The following MMP16 variants were observed in gnomAD, a reference collection of about 807,000 sequenced individuals.
MMP16 encodes the protein matrix metallopeptidase 16.
A neutral mutation model predicts 67.8 loss-of-function variants in MMP16; 12 were observed. The ratio of observed to expected loss-of-function variants is 0.18; its 90% CI spans 0.11 to 0.29. The LOEUF (loss-of-function observed/expected upper bound fraction) is 0.29, where lower values mean the gene tolerates loss of function less well. Ranked by LOEUF, MMP16 falls within the 10% of genes least tolerant of loss-of-function variation. The pLI is 1.00. For missense variants in MMP16, 475 were observed against 765.7 expected (o/e 0.62, Z 4.48); for synonymous variants, 249 against 255.9 (o/e 0.97, Z 0.26).
At chr8:88,264,046 A>G (rs1158196069) in intron 1 of MMP16, among the ~76,000 whole-genome samples, 1 of 129,386 alleles carries the variant, frequency 7.7e-6, no homozygotes, top group Admixed American at 8.8e-5. Flanking sequence ...ATATATATAT[A>G]TATATATATA....
chr8:88,095,816 G>C (rs16878012), intron 6 of MMP16, among the ~76,000 whole-genome samples: 11,096 of 151,934 alleles, frequency 0.073, 426 homozygotes, highest in South Asian at 0.1. Context: ...TGATTACGTA[G>C]AATGAATTCA....
At chr8:88,270,034 T>C (rs1810540765) in intron 1 of MMP16, among the ~76,000 whole-genome samples, 1 of 152,218 alleles carries the variant, frequency 6.6e-6, no homozygotes, top group Non-Finnish European at 1.5e-5. Flanking sequence ...GTGATTAAAC[T>C]GATGGGCTCA....
intron 6 of MMP16, among the ~76,000 whole-genome samples, chr8:88,103,022 C>T (rs569025708): frequency 6.6e-6 from 1 of 151,798 alleles, no homozygotes; most frequent in Non-Finnish European, 1.5e-5. Flanking sequence ...CTTCAAGTTC[C>T]CAACATGGCA....
At chr8:88,114,580 A>G (rs7824918) in intron 6 of MMP16, among the ~76,000 whole-genome samples, 11,575 of 152,090 alleles carry the variant, frequency 0.076, 464 homozygotes, top group South Asian at 0.11. Context: ...ATCAAAGATG[A>G]GATAAAAACA....
intron 1 of MMP16, among the ~76,000 whole-genome samples, chr8:88,276,809 T>C (rs926679634): frequency 1.6e-4 from 24 of 152,204 alleles, no homozygotes; most frequent in African/African-American, 5.8e-4. Flanking sequence ...CCACTCTGCA[T>C]TGGTTAAATT....
intron 7 of MMP16, among the ~76,000 whole-genome samples, chr8:88,067,012 T>C (rs1273495377): frequency 6.6e-6 from 1 of 152,116 alleles, no homozygotes; most frequent in Non-Finnish European, 1.5e-5. Context: ...GAGAATACTT[T>C]ATAATCATTA....
intron 7 of MMP16, among the ~76,000 whole-genome samples, chr8:88,062,741 G>A (rs1031717707): frequency 9.2e-5 from 14 of 151,884 alleles, no homozygotes; most frequent in Non-Finnish European, 2.1e-4. Context: ...CACCAACATG[G>A]CACAAGTATA....
intron 7 of MMP16, chr8:88,069,248 T>G (rs1216329461): frequency 3.1e-6 from 1 of 322,026 alleles, no homozygotes; most frequent in African/African-American, 2.3e-5. Context: ...AGTAGTGTTT[T>G]GTTGTTTTCA....
At chr8:88,302,337 T>G (rs555595011) in intron 1 of MMP16, among the ~76,000 whole-genome samples, 1 of 152,324 alleles carries the variant, frequency 6.6e-6, no homozygotes, top group South Asian at 2.1e-4. Flanking sequence ...AACCCCAAAA[T>G]TATTGCTTAA....
chr8:88,272,517 G>A (rs566291567), intron 1 of MMP16, among the ~76,000 whole-genome samples: 1 of 94,752 alleles, frequency 1.1e-5, no homozygotes, highest in African/African-American at 3.0e-5. Flanking sequence ...TAAAACCTGA[G>A]ATTAAAAAAC....
intron 1 of MMP16, among the ~76,000 whole-genome samples, chr8:88,282,461 G>T (rs1810757189): frequency 6.6e-6 from 1 of 152,178 alleles, no homozygotes; most frequent in African/African-American, 2.4e-5. Context: ...ATCTATGAGG[G>T]TTCTGTAGGA....
chr8:88,327,361 C>T lies in MMP16; in HGVS notation c.-155G>A. The T allele has an allele frequency of 4.4e-6, 4 of 918,560 alleles. No individual in the cohort carries two copies. The highest frequency in any genetic ancestry group is 6.5e-6 in the Non-Finnish European group (4 of 619,778). 56.9% of individuals were successfully genotyped at this position (918,560 alleles called of 1,614,324 possible). A position where few individuals can be genotyped will look rare whatever the true frequency, so the allele number is the denominator to read the frequency against. On this transcript the variant is annotated 5_prime_UTR_variant, in exon 1 of 10. Coordinates refer to ENST00000286614, the MANE Select transcript of MMP16 (RefSeq NM_005941.5). ...GCCGGGCAAGGGGAGGAGACAGGGGCCCCGCGCTCGGCAGCCCCCGAGAGG... is the reference window on the plus strand; with the variant it reads ...GCCGGGCAAGGGGAGGAGACAGGGGTCCCGCGCTCGGCAGCCCCCGAGAGG...
intron 1 of MMP16, among the ~76,000 whole-genome samples, chr8:88,271,039 A>C (rs201067929): frequency 6.6e-6 from 1 of 152,218 alleles, no homozygotes; most frequent in East Asian, 1.9e-4. Context: ...AATAAGACTA[A>C]AGTAAAGTCG....
chr8:88,318,525 A>G (rs1368474286), intron 1 of MMP16, among the ~76,000 whole-genome samples: 1 of 152,186 alleles, frequency 6.6e-6, no homozygotes, highest in African/African-American at 2.4e-5. Context: ...ACTGGATCAA[A>G]TTATCCATAC....
chr8:88,091,333 C>T (rs1808932203), intron 6 of MMP16, among the ~76,000 whole-genome samples: 1 of 151,740 alleles, frequency 6.6e-6, no homozygotes, highest in Admixed American at 6.6e-5. Context: ...ATAACTATTT[C>T]TTACTAGTCA....
Position 88,247,878 on chromosome 8 carries a change from C to T in MMP16, c.133-50572G>A, listed in dbSNP as rs114310792. ...TGTACATTTCCTCCCCCTACTCTCT[C>T]TCATCACAGTGATGAGGCCTCTGAG... On this transcript the variant is annotated intron_variant, in intron 1 of 9. Coordinates refer to ENST00000286614, the MANE Select transcript of MMP16 (RefSeq NM_005941.5). Among the ~76,000 whole-genome samples, 720 of 152,094 alleles carry T rather than the reference C, an allele frequency of 4.7e-3. 7 individuals are homozygous for T. The highest frequency in any genetic ancestry group is 0.017 in the African/African-American group (690 of 41,492).
intron 6 of MMP16, among the ~76,000 whole-genome samples, chr8:88,106,342 T>C (rs1241767207): frequency 6.6e-6 from 1 of 151,296 alleles, no homozygotes; most frequent in East Asian, 2.0e-4. Context: ...TCTTGGAGAT[T>C]CAACCTCATT....
chr8:88,071,153 T>A (rs1317338228), intron 7 of MMP16, among the ~76,000 whole-genome samples: 1 of 152,144 alleles, frequency 6.6e-6, no homozygotes, highest in Non-Finnish European at 1.5e-5. Context: ...AAAATATAAA[T>A]TTTTAATTGT....
chr8:88,033,586 T>A lies in MMP16; in HGVS notation c.*7875A>T, dbSNP rs1303058711. The A allele has an allele frequency of 6.6e-6, 1 of 151,960 alleles. No individual in the cohort carries two copies. Among genetic ancestry groups the A allele is most frequent in the African/African-American group, 2.4e-5 (1 of 41,432 alleles). The allele number at this position is 151,960 out of a possible 1,614,324, so 9.4% of individuals were successfully genotyped here. On this transcript the variant is annotated 3_prime_UTR_variant, in exon 10 of 10. Transcript: ENST00000286614. Reference sequence around the variant, plus strand: ...AAGTTAAGTTTATTAAAAGTTATATTAGCGCAAAATTGAACTAGTAAACTC... The same window carrying A: ...AAGTTAAGTTTATTAAAAGTTATATAAGCGCAAAATTGAACTAGTAAACTC...
Sources: allele counts gnomAD v4.1 joint callset (sites outside exome capture counted in the v4.1 genomes callset), GRCh38; gene constraint gnomAD v4.1.1; transcripts MANE v1.5; gene names NCBI Gene and HGNC (gene_info 2026-07-23, HGNC 2026-07-21).